PIP5K1B: variants seen among roughly 807,000 people sequenced by gnomAD.
PIP5K1B encodes phosphatidylinositol-4-phosphate 5-kinase type 1 beta, also known as phosphatidylinositol 4-phosphate 5-kinase type-1 beta.
In PIP5K1B, 42 loss-of-function variants were observed where a neutral mutation model predicts 67.0. That is an observed-to-expected ratio of 0.63 (90% confidence interval 0.49 to 0.81). The LOEUF is 0.81. PIP5K1B is among the 30% of genes least tolerant of loss of function. PIP5K1B has a pLI of 0.00. For synonymous variants in PIP5K1B, 214 were observed against 231.4 expected (o/e 0.92, Z 0.68); for missense variants, 459 against 646.3 (o/e 0.71, Z 3.14).
intron 1 of PIP5K1B, among the ~76,000 whole-genome samples, chr9:68,709,274 T>C (rs765265418): frequency 1.3e-5 from 2 of 152,176 alleles, no homozygotes; most frequent in Non-Finnish European, 2.9e-5. Flanking sequence ...CAAGGTCTCA[T>C]TCTGTTTCCC....
rs11144305 is a variant in PIP5K1B, at chr9:68,919,762, A to G, written c.1116+33A>G. On this transcript the variant is annotated intron_variant, in intron 11 of 15. Transcript: ENST00000265382. ...ACTTATTTTCCTTATTATACTGTAT[A>G]TATTTCTGCTTTCTCAGAGACTTCA... 0.12 allele frequency: 148,643 copies of G among 1,242,808 alleles called. 10,066 individuals are homozygous for G. Among genetic ancestry groups the G allele is most frequent in the Non-Finnish European group, 0.14 (118,185 of 854,976 alleles). The allele number at this position is 1,242,808 out of a possible 1,614,324, so 77.0% of individuals were successfully genotyped here.
At chr9:68,789,488 G>T in intron 2 of PIP5K1B, 1 of 520,054 alleles carries the variant, frequency 1.9e-6, no homozygotes, top group Non-Finnish European at 3.9e-6. Flanking sequence ...AGATCTTGTG[G>T]TGGTAAACAC....
chr9:68,962,011 G>A (rs1020970751), intron 14 of PIP5K1B, among the ~76,000 whole-genome samples: 4 of 152,146 alleles, frequency 2.6e-5, no homozygotes, highest in Admixed American at 2.0e-4. Flanking sequence ...TCAGCCTTTT[G>A]AGAGTTTTGT....
At chr9:68,761,335 G>C (rs1187853593) in intron 2 of PIP5K1B, among the ~76,000 whole-genome samples, 1 of 152,094 alleles carries the variant, frequency 6.6e-6, no homozygotes, top group Non-Finnish European at 1.5e-5. Flanking sequence ...AGATATGGTA[G>C]TCTGCTGGAG....
intron 1 of PIP5K1B, 109 bp from the exon 2 acceptor site, chr9:68,742,392 T>C (rs982895267): frequency 6.6e-6 from 1 of 152,230 alleles, no homozygotes; most frequent in African/African-American, 2.4e-5. Flanking sequence ...TAACCACCAT[T>C]TGAGCCCTTA....
Position 68,754,262 on chromosome 9 carries a change from C to T in PIP5K1B, c.-86+11605C>T, listed in dbSNP as rs562605109. On this transcript the variant is annotated intron_variant, in intron 2 of 15. Transcript: ENST00000265382. ...TTGGCTCACTGCAAGCTCCACCCCCCGGGTTCACGCCATTCTCCTGCCTCA... is the reference window on the plus strand; with the variant it reads ...TTGGCTCACTGCAAGCTCCACCCCCTGGGTTCACGCCATTCTCCTGCCTCA... 9.1e-5 allele frequency among the ~76,000 whole-genome samples: 13 copies of T among 143,378 alleles called. 1 individual carries two copies. The highest frequency in any genetic ancestry group is 2.9e-4 in the African/African-American group (11 of 38,088). The allele number at this position is 143,378 out of a possible 152,430, so 94.1% of individuals were successfully genotyped here. A position where few individuals can be genotyped will look rare whatever the true frequency, so the allele number is the denominator to read the frequency against.
chr9:68,741,223 T>C (rs917538455), intron 1 of PIP5K1B, among the ~76,000 whole-genome samples: 1 of 152,188 alleles, frequency 6.6e-6, no homozygotes, highest in African/African-American at 2.4e-5. Context: ...GAATCACATA[T>C]TTTTTCATAA....
chr9:68,837,252 G>A (rs763716417), intron 4 of PIP5K1B, among the ~76,000 whole-genome samples: 6 of 152,202 alleles, frequency 3.9e-5, no homozygotes, highest in Non-Finnish European at 8.8e-5. Flanking sequence ...AAGTTAAGGG[G>A]TTCTGTGCAT....
intron 12 of PIP5K1B, among the ~76,000 whole-genome samples, chr9:68,930,173 G>A (rs1048121181): frequency 3.3e-5 from 5 of 152,012 alleles, no homozygotes; most frequent in South Asian, 4.2e-4. Flanking sequence ...GCTCTGACTC[G>A]GTCTCTTCTT....
chr9:68,777,562 A>C (rs1479471489), intron 2 of PIP5K1B, among the ~76,000 whole-genome samples: 3 of 152,202 alleles, frequency 2.0e-5, no homozygotes, highest in Non-Finnish European at 4.4e-5. Context: ...TACATGACTC[A>C]GTCAATTCTC....
At chr9:68,898,297 G>C (rs1825191610) in intron 8 of PIP5K1B, among the ~76,000 whole-genome samples, 1 of 152,144 alleles carries the variant, frequency 6.6e-6, no homozygotes, top group African/African-American at 2.4e-5. Context: ...TCTCCACATT[G>C]CTATTCCCCA....
At chr9:68,962,326 G>A (rs773942871) in intron 14 of PIP5K1B, among the ~76,000 whole-genome samples, 8 of 152,096 alleles carry the variant, frequency 5.3e-5, no homozygotes, top group Non-Finnish European at 1.2e-4. Flanking sequence ...TTTTTCATAT[G>A]CAAGTAGAAA....
At chr9:68,952,806 T>C (rs781389875) in intron 14 of PIP5K1B, among the ~76,000 whole-genome samples, 1 of 151,428 alleles carries the variant, frequency 6.6e-6, no homozygotes, top group Non-Finnish European at 1.5e-5. Flanking sequence ...TGTCTGCCTG[T>C]CTGCCTGCCT....
At chr9:68,716,966 C>T (rs1290547439) in intron 1 of PIP5K1B, among the ~76,000 whole-genome samples, 1 of 152,168 alleles carries the variant, frequency 6.6e-6, no homozygotes, top group Non-Finnish European at 1.5e-5. Context: ...AGGCCGTTAT[C>T]CTAAGCAAAT....
At chr9:68,896,061 A>G (rs1390833706) in intron 8 of PIP5K1B, among the ~76,000 whole-genome samples, 1 of 152,206 alleles carries the variant, frequency 6.6e-6, no homozygotes, top group East Asian at 1.9e-4. Flanking sequence ...AAGCAAACAG[A>G]CGAACAAAAA....
At chr9:68,869,214 G>C (rs528009305) in intron 5 of PIP5K1B, among the ~76,000 whole-genome samples, 2 of 152,312 alleles carry the variant, frequency 1.3e-5, no homozygotes, top group Middle Eastern at 3.4e-3. Flanking sequence ...GAGGTGAGCA[G>C]AGGGCAAGCA....
At chr9:68,932,299 G>C (rs1033145943) in intron 12 of PIP5K1B, among the ~76,000 whole-genome samples, 8 of 152,100 alleles carry the variant, frequency 5.3e-5, no homozygotes, top group Non-Finnish European at 1.0e-4. Flanking sequence ...AAACCTTTTG[G>C]TCTCAGGGCC....
intron 14 of PIP5K1B, among the ~76,000 whole-genome samples, chr9:68,954,409 T>A (rs1655924482): frequency 6.6e-6 from 1 of 152,218 alleles, no homozygotes. Context: ...CCCAGAGAAC[T>A]GCTCAGCGAA....
At chr9:68,932,041 C>T (rs55668735) in intron 12 of PIP5K1B, among the ~76,000 whole-genome samples, 9 of 152,140 alleles carry the variant, frequency 5.9e-5, no homozygotes, top group Admixed American at 2.6e-4. Context: ...GTTTGTTTTC[C>T]GGTCTTCTCT....
Sources: gnomAD v4.1 joint callset for allele counts (sites outside exome capture counted in the v4.1 genomes callset) on GRCh38, gnomAD v4.1.1 for gene constraint, MANE v1.5 for transcripts, NCBI Gene and HGNC (gene_info 2026-07-23, HGNC 2026-07-21) for gene names.